FOXO3: variants seen among roughly 807,000 people sequenced by gnomAD.
FOXO3 encodes forkhead box O3.
A neutral mutation model predicts 41.9 loss-of-function variants in FOXO3; 4 were observed. That is an observed-to-expected ratio of 0.10 (90% CI 0.05 to 0.22). The LOEUF is 0.22. Among genes scored for constraint, FOXO3 ranks in the 10% least tolerant of loss-of-function variants. The pLI is 1.00. For missense variants in FOXO3, 534 were observed against 906.8 expected, an observed-to-expected ratio of 0.59 and a Z score of 5.28; for synonymous variants, 318 against 389.3, an observed-to-expected ratio of 0.82 and a Z score of 2.16.
At position 108,560,934 on chromosome 6, in the gene FOXO3, G is replaced by T; in HGVS notation, c.-275G>T. The T allele has an allele frequency of 7.7e-7, 1 of 1,291,390 alleles. No homozygotes were observed. Among genetic ancestry groups the T allele is most frequent in the South Asian group, 2.3e-5 (1 of 42,776 alleles). The allele number at this position is 1,291,390 out of a possible 1,614,324, so 80.0% of individuals were successfully genotyped here. On this transcript the variant is annotated 5_prime_UTR_variant, in exon 1 of 3. Coordinates refer to ENST00000406360, the MANE Select transcript of FOXO3 (RefSeq NM_001455.4). Reference sequence around the variant, plus strand: ...CGGGGGGCGGTGTCTGCTGCGCCAGGTTCGCTGGCCGCACGTCTTCAGGTC... The same window carrying T: ...CGGGGGGCGGTGTCTGCTGCGCCAGTTTCGCTGGCCGCACGTCTTCAGGTC...
rs116635250 is a variant in FOXO3, at chr6:108,636,023, G to A, written c.622-27432G>A. On this transcript the variant is annotated intron_variant, in intron 1 of 2. Coordinates refer to ENST00000406360, the MANE Select transcript of FOXO3 (RefSeq NM_001455.4). The stretch of plus-strand genomic sequence containing the variant: ...TCTTGTCAGTCTTCCCGCACAAAGC[G>A]GGATTAAGCTTGTCACTCCTCAGCT... Among the ~76,000 whole-genome samples the A allele has an allele frequency of 4.2e-3, 640 of 152,348 alleles. 4 individuals are homozygous for A. Among genetic ancestry groups the A allele is most frequent in the African/African-American group, 0.015 (614 of 41,576 alleles).
chr6:108,674,682 G>A lies in FOXO3; in HGVS notation c.*35-5145G>A, dbSNP rs186982675. Among the ~76,000 whole-genome samples the A allele has an allele frequency of 1.1e-4, 17 of 152,312 alleles. No homozygotes were observed. In the East Asian group the frequency reaches 2.5e-3, roughly 22 times the overall value. On this transcript the variant is annotated intron_variant, in intron 2 of 2. Coordinates refer to ENST00000406360, the MANE Select transcript of FOXO3 (RefSeq NM_001455.4). ...TGGTAAGAAGAGCCGTCCAGGCAAA[G>A]TGTCTTTGAACCTGACCCATCGGAC...
intron 1 of FOXO3, among the ~76,000 whole-genome samples, chr6:108,581,046 C>G (rs1023227942): frequency 6.6e-6 from 1 of 152,198 alleles, no homozygotes; most frequent in African/African-American, 2.4e-5. Context: ...GTAGTCATTG[C>G]TTTCTCTCCC....
chr6:108,586,638 T>C (rs150552474), intron 1 of FOXO3, among the ~76,000 whole-genome samples: 128 of 151,982 alleles, frequency 8.4e-4, no homozygotes, highest in Non-Finnish European at 1.4e-3. Flanking sequence ...CCTGGACAGG[T>C]AGGAAAACTG....
In FOXO3 at chr6:108,595,195, T is replaced by G. The variant is rs151030056; in HGVS notation, c.621+33366T>G. Among the ~76,000 whole-genome samples the G allele has an allele frequency of 1.3e-4, 20 of 152,340 alleles. No individual in the cohort carries two copies. The East Asian group carries it at 3.5e-3, about 26-fold the overall frequency. On this transcript the variant is annotated intron_variant, in intron 1 of 2. Transcript: ENST00000406360. ...GTTGTCGAGGCCTAAAACATTCTTATTTCTGTTGAGCTTATGAGAGGTATG... is the reference window on the plus strand; with the variant it reads ...GTTGTCGAGGCCTAAAACATTCTTAGTTCTGTTGAGCTTATGAGAGGTATG...
intron 1 of FOXO3, among the ~76,000 whole-genome samples, chr6:108,654,776 T>C (rs1269668854): frequency 1.3e-5 from 2 of 152,198 alleles, no homozygotes; most frequent in Non-Finnish European, 2.9e-5. Flanking sequence ...GTTTAAACTT[T>C]TAAGCTTTAG....
chr6:108,642,631 A>C (rs987325380), intron 1 of FOXO3, among the ~76,000 whole-genome samples: 2 of 152,202 alleles, frequency 1.3e-5, no homozygotes, highest in Admixed American at 1.3e-4. Flanking sequence ...TAATACTTTG[A>C]TACTCAAGGA....
At chr6:108,566,988 A>G (rs1340623447) in intron 1 of FOXO3, among the ~76,000 whole-genome samples, 1 of 152,224 alleles carries the variant, frequency 6.6e-6, no homozygotes, top group Non-Finnish European at 1.5e-5. Context: ...CTTGCAGAGC[A>G]TTTGCCAGGA....
intron 1 of FOXO3, among the ~76,000 whole-genome samples, chr6:108,614,391 G>A (rs1378964788): frequency 6.6e-6 from 1 of 152,004 alleles, no homozygotes. Context: ...TATGTATTTT[G>A]AAAATCTATT....
At chr6:108,664,989 T>A in intron 2 of FOXO3, 100 bp downstream of exon 2, 1 of 1,251,580 alleles carries the variant, frequency 8.0e-7, no homozygotes, top group South Asian at 1.5e-5. Flanking sequence ...TATTCCACAC[T>A]GAAAACCATG....
chr6:108,624,603 A>C (rs923712652), intron 1 of FOXO3, among the ~76,000 whole-genome samples: 12 of 152,180 alleles, frequency 7.9e-5, no homozygotes, highest in African/African-American at 2.7e-4. Context: ...TTTTGCAGGA[A>C]ATAATCCAAA....
At chr6:108,615,899 C>T (rs568412800) in intron 1 of FOXO3, among the ~76,000 whole-genome samples, 1 of 152,104 alleles carries the variant, frequency 6.6e-6, no homozygotes, top group South Asian at 2.1e-4. Flanking sequence ...TTTTTCTTTA[C>T]TAGAAGTACC....
intron 1 of FOXO3, among the ~76,000 whole-genome samples, chr6:108,596,442 A>G (rs1466552581): frequency 1.3e-5 from 2 of 151,426 alleles, no homozygotes; most frequent in African/African-American, 4.8e-5. Context: ...ACTCAGAGGT[A>G]TAGAGGGGAA....
intron 2 of FOXO3, among the ~76,000 whole-genome samples, chr6:108,672,086 C>T (rs917889229): frequency 8.5e-5 from 13 of 152,188 alleles, no homozygotes; most frequent in African/African-American, 3.1e-4. Context: ...AGCCTCAAGC[C>T]TGAGCCTCTC....
chr6:108,633,326 T>A (rs1778026561), intron 1 of FOXO3, among the ~76,000 whole-genome samples: 1 of 152,040 alleles, frequency 6.6e-6, no homozygotes, highest in Non-Finnish European at 1.5e-5. Context: ...TATGAAAGTG[T>A]GTGTGTGTAT....
At chr6:108,660,804 A>T (rs888990143) in intron 1 of FOXO3, among the ~76,000 whole-genome samples, 4 of 152,160 alleles carry the variant, frequency 2.6e-5, no homozygotes, top group Admixed American at 2.0e-4. Flanking sequence ...CAGGAGATCG[A>T]GACCATCCTG....
At chr6:108,676,430 C>T (rs1385730406) in intron 2 of FOXO3, among the ~76,000 whole-genome samples, 2 of 151,994 alleles carry the variant, frequency 1.3e-5, no homozygotes, top group South Asian at 2.1e-4. Context: ...TTGGTAGGGA[C>T]GGGGTTTTGC....
intron 1 of FOXO3, among the ~76,000 whole-genome samples, chr6:108,602,634 A>G (rs1777083741): frequency 6.6e-6 from 1 of 152,172 alleles, no homozygotes; most frequent in Non-Finnish European, 1.5e-5. Context: ...GTGCTGTCAT[A>G]AGCAATAGCA....
At chr6:108,630,075 A>G (rs1777923408) in intron 1 of FOXO3, among the ~76,000 whole-genome samples, 1 of 152,182 alleles carries the variant, frequency 6.6e-6, no homozygotes, top group Non-Finnish European at 1.5e-5. Context: ...TCCTGAGAGA[A>G]GATAGTTTCC....
Sources: allele counts gnomAD v4.1 joint callset (sites outside exome capture counted in the v4.1 genomes callset), GRCh38; gene constraint gnomAD v4.1.1; transcripts MANE v1.5; gene names NCBI Gene and HGNC (gene_info 2026-07-23, HGNC 2026-07-21).